Variants in FRMPD4 observed in about 807,000 individuals in gnomAD.
FRMPD4 encodes FERM and PDZ domain-containing protein 4.
Under a neutral mutation model 94.1 loss-of-function variants are expected in FRMPD4, and 22 were observed. The ratio of observed to expected loss-of-function variants is 0.23; its 90% CI spans 0.17 to 0.33. FRMPD4 has a LOEUF of 0.33. Ranked by LOEUF, FRMPD4 falls within the 10% of genes least tolerant of loss-of-function variation. FRMPD4 has a pLI of 1.00. For missense variants in FRMPD4, 1,111 were observed against 1,339.9 expected (o/e 0.83, Z 2.67); for synonymous variants, 631 against 548.6 (o/e 1.15, Z -2.10).
chrX:12,530,828 AGGATGGAT>A (rs974239455), intron 2 of FRMPD4, among the ~76,000 whole-genome samples: 3 of 101,699 alleles, frequency 2.9e-5, no homozygotes, highest in African/African-American at 1.2e-4. Context: ...GATTGACAGG[AGGATGGAT>A]GGATGGATGG....
rs12007127 is a variant in FRMPD4 at position 12,132,895 on chromosome X, G to C, written c.95+254877G>C. ...AGCAAATGGAGAACTTTTGGGAGAAGATATGCTATAAAGGCAAGCAGAAAA... is the reference window on the plus strand; with the variant it reads ...AGCAAATGGAGAACTTTTGGGAGAACATATGCTATAAAGGCAAGCAGAAAA... On this transcript the variant is annotated intron_variant, in intron 3 of 18. Coordinates refer to the FRMPD4 transcript ENST00000640291. Among the ~76,000 whole-genome samples the C allele has an allele frequency of 9.8e-3, 1,086 of 110,434 alleles. 15 individuals carry two copies. The highest frequency in any genetic ancestry group is 0.034 in the African/African-American group (1,032 of 30,372).
intron 1 of FRMPD4, among the ~76,000 whole-genome samples, chrX:12,411,216 T>C (rs1427909888): frequency 8.9e-6 from 1 of 112,039 alleles, no homozygotes; most frequent in African/African-American, 3.2e-5. Context: ...TTGCTTAGCC[T>C]GAGATAAGCC....
intron 1 of FRMPD4, among the ~76,000 whole-genome samples, chrX:12,485,167 A>C (rs1324178762): frequency 5.3e-5 from 6 of 112,672 alleles, no homozygotes; most frequent in African/African-American, 1.9e-4. Context: ...GTGAGAGTCA[A>C]GCCTTTGTGA....
chrX:12,050,909 C>T (rs988611802), intron 3 of FRMPD4, among the ~76,000 whole-genome samples: 2 of 111,251 alleles, frequency 1.8e-5, no homozygotes, highest in African/African-American at 6.5e-5. Flanking sequence ...ATATTACAAA[C>T]GACCTAAGTA....
chrX:12,110,479 A>T (rs2055349237), intron 3 of FRMPD4, among the ~76,000 whole-genome samples: 1 of 111,834 alleles, frequency 8.9e-6, no homozygotes, highest in African/African-American at 3.3e-5. Context: ...AATGGGCAAA[A>T]ACTGGAAGCA....
intron 3 of FRMPD4, among the ~76,000 whole-genome samples, chrX:11,962,505 G>A (rs987196182): frequency 1.8e-5 from 2 of 111,746 alleles, no homozygotes; most frequent in African/African-American, 6.5e-5. Context: ...TTAGAGAAAC[G>A]CATGCATTCA....
chrX:12,368,744 C>T (rs1401518500), intron 1 of FRMPD4, among the ~76,000 whole-genome samples: 5 of 110,240 alleles, frequency 4.5e-5, no homozygotes, highest in Admixed American at 9.7e-5. Context: ...CTGGGCCTGG[C>T]GGCGGGCGCC....
chrX:12,560,366 T>C (rs955631637), intron 2 of FRMPD4, among the ~76,000 whole-genome samples: 1 of 108,679 alleles, frequency 9.2e-6, no homozygotes, highest in Non-Finnish European at 1.9e-5. Context: ...CAAAAAAAAA[T>C]TAGTTGCCTG....
rs1555968599 is a variant in FRMPD4, at chrX:12,454,821, T to TTTG, written c.42-43857_42-43856insGTT. Among the ~76,000 whole-genome samples the TTTG allele has an allele frequency of 1.2e-4, 13 of 107,113 alleles. No homozygotes were observed. The South Asian group carries it at 5.5e-3, about 46-fold the overall frequency. 93.0% of individuals were successfully genotyped at this position (107,113 alleles called of 115,157 possible). A position where few individuals can be genotyped will look rare whatever the true frequency, so the allele number is the denominator to read the frequency against. ...TTTGGAGTTAGAAAGCCACGTTTTT[T>TTTG]TTTTTTTTTTAAAGCTCTACCTATT... On this transcript the variant is annotated intron_variant, in intron 1 of 16. Coordinates refer to ENST00000675598, the MANE Select transcript of FRMPD4 (RefSeq NM_001368397.1).
chrX:12,000,863 T>A (rs1229433991), intron 3 of FRMPD4, among the ~76,000 whole-genome samples: 1 of 112,012 alleles, frequency 8.9e-6, no homozygotes, highest in Non-Finnish European at 1.9e-5. Flanking sequence ...TGCCATAAGA[T>A]TTTTTTTGAA....
chrX:12,655,650 G>C, intron 4 of FRMPD4, among the ~76,000 whole-genome samples: 1 of 112,118 alleles, frequency 8.9e-6, no homozygotes, highest in Non-Finnish European at 1.9e-5. Context: ...AGACTTCTCT[G>C]CATGTTCTGG....
intron 1 of FRMPD4, among the ~76,000 whole-genome samples, chrX:12,220,409 A>G (rs150000659): frequency 3.6e-3 from 401 of 111,934 alleles, no homozygotes; most frequent in African/African-American, 0.012. Flanking sequence ...ACAACTGGGC[A>G]TACTCTTGTA....
intron 4 of FRMPD4, among the ~76,000 whole-genome samples, chrX:12,635,793 A>G (rs752996667): frequency 2.7e-5 from 3 of 112,026 alleles, no homozygotes; most frequent in East Asian, 5.6e-4. Context: ...ATTCTTGGCT[A>G]CAGGTTGTTT....
At position 12,718,107 on chromosome X, in the gene FRMPD4, A is replaced by T. The variant is rs1288896792; in HGVS notation, c.3281A>T (p.Tyr1094Phe). ...TAFRKDSQRW[Y>F]VATEGGMAEK... The stretch of plus-strand genomic sequence containing the variant: ...TTTCGCAAGGACAGTCAAAGATGGT[A>T]TGTGGCCACTGAAGGTGGGATGGCT... The change falls in exon 16 of 17, where the codon TAT becomes TTT. Residue 1094 changes from tyrosine (Y) to phenylalanine (F), a missense_variant. Tyr to Phe is a conservative substitution (Grantham distance 22). This residue lies in a region of FRMPD4 where 551 missense variants were observed against 591.6 expected (regional missense o/e 0.93). Transcript: ENST00000675598. The T allele has an allele frequency of 8.3e-7, 1 of 1,208,940 alleles. No homozygotes were observed. Among genetic ancestry groups the T allele is most frequent in the Admixed American group, 2.2e-5 (1 of 45,885 alleles).
chrX:12,435,380 T>TCAGTATATGCTGTATATA lies in FRMPD4; in HGVS notation c.42-63291_42-63274dup, dbSNP rs1450236628. Reference sequence around the variant, plus strand: ...TGTATATTCAATATATACTGTATATTCAGTATATGCTGTATATACAGTATA... The same window carrying TCAGTATATGCTGTATATA: ...TGTATATTCAATATATACTGTATATTCAGTATATGCTGTATATACAGTATATGCTGTATATACAGTATA... On this transcript the variant is annotated intron_variant, in intron 1 of 16. Coordinates refer to ENST00000675598, the MANE Select transcript of FRMPD4 (RefSeq NM_001368397.1). Among the ~76,000 whole-genome samples, 283 of 111,996 alleles carry TCAGTATATGCTGTATATA rather than the reference T, an allele frequency of 2.5e-3. 2 individuals are homozygous for TCAGTATATGCTGTATATA. The highest frequency in any genetic ancestry group is 8.8e-3 in the African/African-American group (271 of 30,922).
In FRMPD4 at chrX:12,187,372, G is replaced by GT. The variant is rs775052001; in HGVS notation, c.41+48367dup. Among the ~76,000 whole-genome samples, 18 of 111,694 alleles carry GT rather than the reference G, an allele frequency of 1.6e-4. No homozygotes were observed. The South Asian group carries it at 6.8e-3, about 42-fold the overall frequency. On this transcript the variant is annotated intron_variant, in intron 1 of 16. Transcript: ENST00000675598. ...GACTATCTTTTCTACATGAGTGTGA[G>GT]TTTTTTTCCATCAGAACTGTATCAA...
chrX:12,246,131 G>C (rs1295829267), intron 1 of FRMPD4, among the ~76,000 whole-genome samples: 1 of 111,380 alleles, frequency 9.0e-6, no homozygotes, highest in African/African-American at 3.3e-5. Flanking sequence ...ACTAACCACT[G>C]CTTCTTGTGA....
intron 2 of FRMPD4, among the ~76,000 whole-genome samples, chrX:11,865,598 T>C (rs1171703554): frequency 8.9e-6 from 1 of 112,062 alleles, no homozygotes; most frequent in Non-Finnish European, 1.9e-5. Context: ...ATTTTCACCA[T>C]TTTATGAATA....
intron 3 of FRMPD4, among the ~76,000 whole-genome samples, chrX:12,004,122 G>T (rs1234001965): frequency 9.0e-6 from 1 of 111,706 alleles, no homozygotes; most frequent in East Asian, 2.8e-4. Flanking sequence ...CAATTGATTT[G>T]AGCCTGAACA....
Sources: allele counts gnomAD v4.1 joint callset (sites outside exome capture counted in the v4.1 genomes callset), GRCh38; gene constraint gnomAD v4.1.1; regional missense constraint gnomAD v4.1.1; transcripts MANE v1.5; gene names NCBI Gene and HGNC (gene_info 2026-07-23, HGNC 2026-07-21).